Variants in PDE1A observed in about 807,000 individuals in gnomAD.
The protein encoded by PDE1A is dual specificity calcium/calmodulin-dependent 3',5'-cyclic nucleotide phosphodiesterase 1A.
Under a neutral mutation model 61.7 loss-of-function variants are expected in PDE1A, and 35 were observed. That is an observed-to-expected ratio of 0.57 (90% confidence interval 0.43 to 0.75). The LOEUF is 0.75. PDE1A is among the 30% of genes least tolerant of loss of function. The pLI, the probability that PDE1A is intolerant of heterozygous loss-of-function variation, is 0.00. For synonymous variants in PDE1A, 232 were observed against 213.2 expected (o/e 1.09, Z -0.77); for missense variants, 597 against 630.6 (o/e 0.95, Z 0.57).
chr2:182,599,610 T>C, the PDE1A span, among the ~76,000 whole-genome samples: 2 of 150,566 alleles, frequency 1.3e-5, no homozygotes, highest in Non-Finnish European at 2.9e-5. Flanking sequence ...GCTTTTAAGC[T>C]TTATATTCTT....
chr2:182,516,687 G>GGGAA (rs1553636635), intron 2 of PDE1A, among the ~76,000 whole-genome samples: 1 of 76,916 alleles, frequency 1.3e-5, no homozygotes, highest in East Asian at 3.8e-4. Context: ...GAGGGAAGGA[G>GGGAA]GGAAGGGAGG....
chr2:182,625,621 C>T, the PDE1A span, among the ~76,000 whole-genome samples: 2 of 152,278 alleles, frequency 1.3e-5, no homozygotes, highest in East Asian at 1.9e-4. Flanking sequence ...CTCACTGGTC[C>T]TGACAGAGTC....
At position 182,516,916 on chromosome 2, in the gene PDE1A, C is replaced by T. The variant is rs184826509; in HGVS notation, c.101+5360G>A. ...AGGCTCACCTGGGTAATACAGGATA[C>T]GCTCCCTATTTTAAAGTCAGCTGAT... On this transcript the variant is annotated intron_variant, in intron 2 of 14. Coordinates refer to the PDE1A transcript ENST00000410103. 1.2e-3 allele frequency among the ~76,000 whole-genome samples: 177 copies of T among 151,158 alleles called. 2 individuals are homozygous for T. The East Asian group carries it at 0.032, about 27-fold the overall frequency.
chr2:182,550,171 T>C, the PDE1A span, among the ~76,000 whole-genome samples: 8 of 152,152 alleles, frequency 5.3e-5, no homozygotes, highest in African/African-American at 1.9e-4. Flanking sequence ...TTCCTATAAA[T>C]AAAGAAAGTA....
chr2:182,604,026 TA>T, the PDE1A span, among the ~76,000 whole-genome samples: 60 of 151,710 alleles, frequency 4.0e-4, no homozygotes, highest in East Asian at 4.6e-3. Context: ...AATTTAGTTT[TA>T]AAAAAAAAAT....
chr2:182,200,187 C>T (rs1686497441), intron 10 of PDE1A, among the ~76,000 whole-genome samples: 1 of 152,252 alleles, frequency 6.6e-6, no homozygotes, highest in African/African-American at 2.4e-5. Context: ...TATTCATTCC[C>T]AGTTCCTAGC....
intron 1 of PDE1A, among the ~76,000 whole-genome samples, chr2:182,341,454 G>C (rs559325070): frequency 1.3e-5 from 2 of 152,122 alleles, no homozygotes; most frequent in African/African-American, 2.4e-5. Context: ...ATTGTTAATC[G>C]TCTTTGTTTA....
At chr2:182,276,084 C>CTCTCCCTTCCTTCCTTCCTT (rs1693388986) in intron 1 of PDE1A, among the ~76,000 whole-genome samples, 1 of 152,048 alleles carries the variant, frequency 6.6e-6, no homozygotes, top group Non-Finnish European at 1.5e-5. Flanking sequence ...TTTCCTTCCT[C>CTCTCCCTTCCTTCCTTCCTT]TCTCCCTTCC....
chr2:182,534,543 T>A, the PDE1A span, among the ~76,000 whole-genome samples: 1 of 151,936 alleles, frequency 6.6e-6, no homozygotes, highest in East Asian at 1.9e-4. Context: ...TCTTTAAATT[T>A]ATTACTAATG....
the PDE1A span, among the ~76,000 whole-genome samples, chr2:182,630,676 A>G: frequency 1.3e-5 from 2 of 152,166 alleles, no homozygotes; most frequent in Non-Finnish European, 2.9e-5. Context: ...CATTTAGAAG[A>G]TTCATAATGT....
chr2:182,656,960 C>T, the PDE1A span, among the ~76,000 whole-genome samples: 1 of 152,144 alleles, frequency 6.6e-6, no homozygotes, highest in African/African-American at 2.4e-5. Context: ...TGCGGTGGCT[C>T]ATGCCTGTAA....
At chr2:182,401,260 G>A (rs1012496689) in intron 1 of PDE1A, among the ~76,000 whole-genome samples, 1 of 152,130 alleles carries the variant, frequency 6.6e-6, no homozygotes, top group African/African-American at 2.4e-5. Flanking sequence ...AAACATCGAT[G>A]CGAAAATCCT....
intron 1 of PDE1A, among the ~76,000 whole-genome samples, chr2:182,293,311 C>T (rs999856801): frequency 6.6e-6 from 1 of 152,074 alleles, no homozygotes; most frequent in Non-Finnish European, 1.5e-5. Context: ...TTAAAACTTA[C>T]ATTCAAGAAA....
At chr2:182,682,581 G>C in the PDE1A span, among the ~76,000 whole-genome samples, 3 of 152,284 alleles carry the variant, frequency 2.0e-5, no homozygotes, top group Non-Finnish European at 4.4e-5. Context: ...TTCTAAGACT[G>C]GGAGGCTTAG....
At chr2:182,465,922 A>G (rs899529794) in intron 2 of PDE1A, among the ~76,000 whole-genome samples, 1 of 152,104 alleles carries the variant, frequency 6.6e-6, no homozygotes, top group African/African-American at 2.4e-5. Flanking sequence ...GCCGGAAAAG[A>G]GTAGTATTCA....
the PDE1A span, among the ~76,000 whole-genome samples, chr2:182,656,923 A>G: frequency 6.6e-6 from 1 of 152,136 alleles, no homozygotes; most frequent in Non-Finnish European, 1.5e-5. Context: ...AATGTATTAT[A>G]TGCAGAATAA....
intron 1 of PDE1A, among the ~76,000 whole-genome samples, chr2:182,343,235 G>C (rs547970519): frequency 6.6e-6 from 1 of 152,278 alleles, no homozygotes; most frequent in African/African-American, 2.4e-5. Flanking sequence ...AGGTTGTTTT[G>C]TTTGGGCATT....
intron 7 of PDE1A, among the ~76,000 whole-genome samples, chr2:182,206,305 T>C (rs1037832636): frequency 1.3e-5 from 2 of 152,216 alleles, no homozygotes; most frequent in African/African-American, 2.4e-5. Context: ...AAATTTCCCA[T>C]GTACTTTCTT....
chr2:182,294,966 A>G (rs1694776290), intron 1 of PDE1A, among the ~76,000 whole-genome samples: 2 of 148,434 alleles, frequency 1.3e-5, no homozygotes, highest in African/African-American at 4.9e-5. Flanking sequence ...CCCAGAGCTG[A>G]GTGCCCCAGT....
Sources: gnomAD v4.1 joint callset for allele counts (sites outside exome capture counted in the v4.1 genomes callset) on GRCh38, gnomAD v4.1.1 for gene constraint, MANE v1.5 for transcripts, NCBI Gene and HGNC (gene_info 2026-07-23, HGNC 2026-07-21) for gene names.